WBP11: variants seen among roughly 807,000 people sequenced by gnomAD.
WBP11 encodes WW domain binding protein 11, also known as WW domain-binding protein 11.
A neutral mutation model predicts 66.7 loss-of-function variants in WBP11; 12 were observed. The observed-to-expected ratio is 0.18, with a 90% CI of 0.12 to 0.29. The LOEUF (loss-of-function observed/expected upper bound fraction) is 0.29, where lower values mean the gene tolerates loss of function less well. WBP11 is among the 10% of genes least tolerant of loss of function. The pLI, the probability that WBP11 is intolerant of heterozygous loss-of-function variation, is 1.00. For missense variants in WBP11, 555 were observed against 818.3 expected, an observed-to-expected ratio of 0.68 and a Z score of 3.93; for synonymous variants, 255 against 273.8, an observed-to-expected ratio of 0.93 and a Z score of 0.68.
At chr12:14,803,300 G>C (rs1196534343) in intron 1 of WBP11, 52 bp downstream of exon 1, 1 of 397,028 alleles carries the variant, frequency 2.5e-6, no homozygotes, top group East Asian at 3.6e-5. Context: ...CGCGGGACGT[G>C]GAAGGGACGA....
At chr12:14,798,692 T>G (rs1489440546) in intron 4 of WBP11, among the ~76,000 whole-genome samples, 1 of 152,154 alleles carries the variant, frequency 6.6e-6, no homozygotes, top group Non-Finnish European at 1.5e-5. Context: ...ATTTTTTTTT[T>G]GTACCCCATT....
intron 5 of WBP11, among the ~76,000 whole-genome samples, chr12:14,795,765 A>T (rs972533825): frequency 2.0e-5 from 3 of 152,054 alleles, no homozygotes; most frequent in African/African-American, 7.2e-5. Context: ...GAAAAATAAT[A>T]TATGTCAACT....
rs1337151111 is a variant in WBP11, at chr12:14,785,309, T to G, written c.*1756A>C. ...AAAAACATCACTCCCAGAAAGAATA[T>G]AAGTTTCAAGTAAGACCATTAAAAA... On this transcript the variant is annotated 3_prime_UTR_variant, in exon 12 of 12. Transcript: ENST00000261167. 6.6e-6 allele frequency: 1 copy of G among 152,170 alleles called. No homozygotes were observed. Among genetic ancestry groups the G allele is most frequent in the African/African-American group, 2.4e-5 (1 of 41,438 alleles). The allele number at this position is 152,170 out of a possible 1,614,324, so 9.4% of individuals were successfully genotyped here.
At chr12:14,799,459 TC>T (rs1949933143) in intron 4 of WBP11, 175 bp downstream of exon 4, 1 of 489,124 alleles carries the variant, frequency 2.0e-6, no homozygotes, top group African/African-American at 2.0e-5. Flanking sequence ...ATCTGGGGTC[TC>T]CAGTTTGCAA....
At position 14,801,385 on chromosome 12, in the gene WBP11, T is replaced by C. The variant is rs757697641; in HGVS notation, c.-2A>G. ...GGATGATGTAGATCTCCGTCCCATG[T>C]TGACAATTTGTATGGTTTACTTGTT... is the stretch of plus-strand genomic sequence containing the variant. On this transcript the variant is annotated 5_prime_UTR_variant, in exon 2 of 12. Transcript: ENST00000261167. 9 of 1,611,370 alleles carry C rather than the reference T, an allele frequency of 5.6e-6. No homozygotes were observed. The highest frequency in any genetic ancestry group is 6.8e-6 in the Non-Finnish European group (8 of 1,179,024).
chr12:14,795,635 G>A (rs1007160716), intron 5 of WBP11, among the ~76,000 whole-genome samples: 1 of 152,086 alleles, frequency 6.6e-6, no homozygotes, highest in African/African-American at 2.4e-5. Flanking sequence ...GAGGCTGAGG[G>A]AGGAGAATTG....
At chr12:14,800,644 A>G in intron 3 of WBP11, 108 bp downstream of exon 3, 1 of 1,081,082 alleles carries the variant, frequency 9.2e-7, no homozygotes, top group Non-Finnish European at 1.4e-6. Context: ...AGCATAAAGT[A>G]CCTTTTCTAG....
intron 11 of WBP11, among the ~76,000 whole-genome samples, chr12:14,787,936 G>T (rs992875841): frequency 6.6e-6 from 1 of 152,186 alleles, no homozygotes; most frequent in Middle Eastern, 3.4e-3. Flanking sequence ...TTTAACCCTG[G>T]TCATCAAATG....
At position 14,786,235 on chromosome 12, in the gene WBP11, C is replaced by T. The variant is rs1002511128; in HGVS notation, c.*830G>A. 2 of 152,060 alleles carry T rather than the reference C, an allele frequency of 1.3e-5. No individual in the cohort carries two copies. Among genetic ancestry groups the T allele is most frequent in the African/African-American group, 4.8e-5 (2 of 41,412 alleles). The allele number at this position is 152,060 out of a possible 1,614,324, so 9.4% of individuals were successfully genotyped here. A position where few individuals can be genotyped will look rare whatever the true frequency, so the allele number is the denominator to read the frequency against. On this transcript the variant is annotated 3_prime_UTR_variant, in exon 12 of 12. Coordinates refer to ENST00000261167, the MANE Select transcript of WBP11 (RefSeq NM_016312.3). ...AAGACATCTTTTAAATAATAAAAGCCAAACCATACTATTCTTAACACCTCT... is the reference window on the plus strand; with the variant it reads ...AAGACATCTTTTAAATAATAAAAGCTAAACCATACTATTCTTAACACCTCT...
intron 4 of WBP11, among the ~76,000 whole-genome samples, chr12:14,798,671 G>A (rs1422946472): frequency 6.6e-6 from 1 of 152,066 alleles, no homozygotes; most frequent in Admixed American, 6.6e-5. Context: ...ATAGCCTAAT[G>A]CCATGACTGA....
At chr12:14,795,856 T>C (rs1040273635) in intron 5 of WBP11, among the ~76,000 whole-genome samples, 3 of 152,232 alleles carry the variant, frequency 2.0e-5, no homozygotes, top group Non-Finnish European at 2.9e-5. Flanking sequence ...TTAGCTTAGT[T>C]TGACTAAGCA....
intron 2 of WBP11, chr12:14,801,081 T>C: frequency 2.1e-6 from 1 of 465,368 alleles, no homozygotes; most frequent in Non-Finnish European, 3.7e-6. Flanking sequence ...ATTTCCAATA[T>C]AAAAAGAAAG....
intron 11 of WBP11, among the ~76,000 whole-genome samples, chr12:14,788,244 A>G (rs199579420): frequency 6.6e-6 from 1 of 152,164 alleles, no homozygotes; most frequent in Admixed American, 6.5e-5. Context: ...CGTCTCAAAG[A>G]AAAAAACAAT....
intron 1 of WBP11, 68 bp downstream of exon 1, chr12:14,803,284 C>A: frequency 2.5e-6 from 1 of 396,170 alleles, no homozygotes; most frequent in Non-Finnish European, 4.4e-6. Context: ...GTCCCCCAAG[C>A]CGCTGCGCGG....
chr12:14,798,734 C>CTT (rs988102517), intron 4 of WBP11, among the ~76,000 whole-genome samples: 3 of 152,016 alleles, frequency 2.0e-5, no homozygotes, highest in Non-Finnish European at 1.5e-5. Flanking sequence ...CATTCCATCT[C>CTT]TTTTACTTAC....
chr12:14,799,825 C>T (rs1163012854), intron 3 of WBP11, 97 bp from the exon 4 acceptor site: 1 of 1,143,368 alleles, frequency 8.7e-7, no homozygotes, highest in Middle Eastern at 2.1e-4. Context: ...TCCTTGGCTT[C>T]TGATCACTTG....
chr12:14,787,611 C>T (rs3748291), intron 11 of WBP11, 113 bp from the exon 12 acceptor site: 26,497 of 983,454 alleles, frequency 0.027, 502 homozygotes, highest in Middle Eastern at 0.074. Context: ...TAACAACTTA[C>T]AGAAAATAAG....
rs1949855299 is a variant in WBP11, at chr12:14,793,915, T to C, written c.729A>G (p.Arg243=). 6.2e-7 allele frequency: 1 copy of C among 1,607,824 alleles called. No individual in the cohort carries two copies. Among genetic ancestry groups the C allele is most frequent in the South Asian group, 1.1e-5 (1 of 89,970 alleles). ...TGCTAGAAACATCATCATCATGACC[T>C]CGCTGGGCTGAAAAGTGGGAAGGGA... The part of the protein sequence containing the change: ...DMLYSPELAQ[R]GHDDDVSSTS... Residue 243 remains arginine, a synonymous_variant, in exon 8 of 12, where the codon CGA becomes CGG. Transcript: ENST00000261167.
Position 14,796,995 on chromosome 12 carries a change from G to A in WBP11, c.199C>T (p.Pro67Ser), listed in dbSNP as rs1949901011. The A allele has an allele frequency of 6.3e-7, 1 of 1,576,966 alleles. No individual in the cohort carries two copies. The highest frequency in any genetic ancestry group is 2.3e-5 in the East Asian group (1 of 44,296). ...TCATTTAATTGTGGCTGTTGCACTG[G>A]GTTAAACTCTAAGAGAAAAAGTAGA... ...MEKLDEMEFN[P>S]VQQPQLNEKV... The change falls in exon 5 of 12, where the codon CCA becomes TCA. Residue 67 changes from proline to serine, a missense_variant. Transcript: ENST00000261167. The surrounding 1 kb of genome is among the most constrained non-coding windows in gnomAD (Gnocchi z 4.5).
Sources: allele counts gnomAD v4.1 joint callset (sites outside exome capture counted in the v4.1 genomes callset), GRCh38; gene constraint gnomAD v4.1.1; non-coding constraint Gnocchi (gnomAD v3.1); transcripts MANE v1.5; gene names NCBI Gene and HGNC (gene_info 2026-07-23, HGNC 2026-07-21).